Variants in RPH3AL observed in about 807,000 individuals in gnomAD.
The protein encoded by RPH3AL is rab effector Noc2.
Under a neutral mutation model 43.1 loss-of-function variants are expected in RPH3AL, and 38 were observed. The observed-to-expected ratio is 0.88, with a 90% CI of 0.68 to 1.15. The LOEUF is 1.15. RPH3AL is among the 50% of genes most tolerant of loss of function. RPH3AL has a pLI of 0.00. For missense variants in RPH3AL, 462 were observed against 423.2 expected, an observed-to-expected ratio of 1.09 and a Z score of -0.81; for synonymous variants, 189 against 176.3, an observed-to-expected ratio of 1.07 and a Z score of -0.57.
chr17:242,072 A>G (rs2041552460), intron 7 of RPH3AL, among the ~76,000 whole-genome samples: 2 of 152,126 alleles, frequency 1.3e-5, no homozygotes, highest in African/African-American at 4.8e-5. Context: ...AGCAGAGATC[A>G]CACCACCACA....
chr17:305,958 C>G (rs1232505486), intron 5 of RPH3AL, among the ~76,000 whole-genome samples: 2 of 151,552 alleles, frequency 1.3e-5, no homozygotes, highest in African/African-American at 4.8e-5. Context: ...CTTCCAGGCT[C>G]AAGCAATCCT....
intron 3 of RPH3AL, among the ~76,000 whole-genome samples, chr17:324,106 A>T (rs2044552703): frequency 6.6e-6 from 1 of 152,166 alleles, no homozygotes; most frequent in African/African-American, 2.4e-5. Context: ...CCCATTTCTC[A>T]GAGGAAACGA....
Position 247,097 on chromosome 17 carries a change from C to G in RPH3AL, c.613+14G>C, listed in dbSNP as rs1407986276. The G allele has an allele frequency of 6.2e-7, 1 of 1,613,832 alleles. No individual in the cohort carries two copies. Among genetic ancestry groups the G allele is most frequent in the Non-Finnish European group, 8.5e-7 (1 of 1,179,876 alleles). On this transcript the variant is annotated intron_variant, in intron 7 of 9. Coordinates refer to ENST00000331302, the MANE Select transcript of RPH3AL (RefSeq NM_006987.4). ...TTTACAGGCCATCCTGGGAGAGAGG[C>G]AGAGGGGACTTACCTCTTCCTCGGG...
intron 5 of RPH3AL, among the ~76,000 whole-genome samples, chr17:304,351 C>G (rs2043408814): frequency 6.6e-6 from 1 of 151,928 alleles, no homozygotes; most frequent in Admixed American, 6.6e-5. Flanking sequence ...GGAATGAGCC[C>G]AGGCCGGGAG....
At chr17:235,971 G>A (rs2041381826) in intron 7 of RPH3AL, among the ~76,000 whole-genome samples, 3 of 150,960 alleles carry the variant, frequency 2.0e-5, no homozygotes, top group African/African-American at 7.3e-5. Flanking sequence ...GCTGGGGTCG[G>A]CCAAGGCTCT....
Position 247,101 on chromosome 17 carries a change from G to A in RPH3AL, c.613+10C>T, listed in dbSNP as rs1555540301. ...CAGGCCATCCTGGGAGAGAGGCAGA[G>A]GGGACTTACCTCTTCCTCGGGCCCA... On this transcript the variant is annotated intron_variant, in intron 7 of 9. Transcript: ENST00000331302. 1 of 1,614,090 alleles carries A rather than the reference G, an allele frequency of 6.2e-7. No homozygotes were observed. The highest frequency in any genetic ancestry group is 1.7e-5 in the Admixed American group (1 of 60,020).
rs1378405586 is a variant in RPH3AL at position 215,449 on chromosome 17, G to A, written c.876+205C>T. 6.6e-6 allele frequency among the ~76,000 whole-genome samples: 1 copy of A among 152,226 alleles called. No individual in the cohort carries two copies. The highest frequency in any genetic ancestry group is 1.5e-5 in the Non-Finnish European group (1 of 68,040). ...TGATTACCGAGAGTGGCTAGGGATG[G>A]CTACCATTATCATTCTGGGTCCCTC... On this transcript the variant is annotated intron_variant, in intron 9 of 9. Coordinates refer to ENST00000331302, the MANE Select transcript of RPH3AL (RefSeq NM_006987.4). This position sits in a 1 kb window ranked among gnomAD's most constrained non-coding sequence, Gnocchi z 4.1.
At chr17:237,662 G>T (rs2041430497) in intron 7 of RPH3AL, among the ~76,000 whole-genome samples, 1 of 152,314 alleles carries the variant, frequency 6.6e-6, no homozygotes, top group East Asian at 1.9e-4. Flanking sequence ...AAAGTGGAGA[G>T]GCCTCCCCAA....
chr17:335,551 T>C (rs1250996757), intron 1 of RPH3AL, among the ~76,000 whole-genome samples: 2 of 152,112 alleles, frequency 1.3e-5, no homozygotes. Context: ...CCCCCACGTT[T>C]GGACAGGTAT....
At chr17:297,870 C>G (rs1163129994) in intron 5 of RPH3AL, among the ~76,000 whole-genome samples, 2 of 152,220 alleles carry the variant, frequency 1.3e-5, no homozygotes, top group Non-Finnish European at 2.9e-5. Flanking sequence ...CTCCCGGGCC[C>G]TGGACTAGCC....
At chr17:308,467 C>G (rs960084115) in intron 5 of RPH3AL, among the ~76,000 whole-genome samples, 1 of 152,218 alleles carries the variant, frequency 6.6e-6, no homozygotes, top group African/African-American at 2.4e-5. Flanking sequence ...CCAAGAGAAT[C>G]GAAGGCAGGG....
At chr17:316,041 T>C (rs1439437542) in intron 5 of RPH3AL, among the ~76,000 whole-genome samples, 4 of 149,318 alleles carry the variant, frequency 2.7e-5, no homozygotes, top group East Asian at 2.1e-4. Context: ...CATTGACCTG[T>C]AGTCCCTGTG....
chr17:276,483 C>T (rs1196418462), intron 6 of RPH3AL, among the ~76,000 whole-genome samples: 1 of 152,230 alleles, frequency 6.6e-6, no homozygotes, highest in African/African-American at 2.4e-5. Flanking sequence ...CCTCCACCCC[C>T]CGGGCAGAAG....
rs983069762 is a variant in RPH3AL at position 314,210 on chromosome 17, C to A, written c.351+5210G>T. Among the ~76,000 whole-genome samples the A allele has an allele frequency of 9.2e-5, 14 of 152,278 alleles. No individual in the cohort carries two copies. The East Asian group carries it at 2.5e-3, about 27-fold the overall frequency. ...CAGGGGAAGTGGGCCAGGATCTGTG[C>A]CTCTTCATGGTCCCCTATAGCTGGA... On this transcript the variant is annotated intron_variant, in intron 5 of 9. Coordinates refer to ENST00000331302, the MANE Select transcript of RPH3AL (RefSeq NM_006987.4).
rs866338319 is a variant in RPH3AL at position 289,178 on chromosome 17, C to A, written c.352-7324G>T. The stretch of plus-strand genomic sequence containing the variant: ...GTAAGTTGGTGGTAACAGGCCCCCC[C>A]ACACCCCAGGTTGCAGATGAGGGGA... On this transcript the variant is annotated intron_variant, in intron 5 of 9. Transcript: ENST00000331302. This position sits in a 1 kb window ranked among gnomAD's most constrained non-coding sequence, Gnocchi z 5.2. 6.6e-6 allele frequency among the ~76,000 whole-genome samples: 1 copy of A among 152,082 alleles called. No homozygotes were observed. The highest frequency in any genetic ancestry group is 1.5e-5 in the Non-Finnish European group (1 of 68,016).
intron 5 of RPH3AL, among the ~76,000 whole-genome samples, chr17:317,635 G>C (rs1407871757): frequency 1.3e-5 from 2 of 152,142 alleles, no homozygotes; most frequent in African/African-American, 4.8e-5. Context: ...CTCCCCTCCA[G>C]TATTTTTGGG....
chr17:322,790 G>C lies in RPH3AL; in HGVS notation c.78-1375C>G, dbSNP rs573366910. ...TTGCAGCTAACGGTTCTCTGTGGCC[G>C]ACACAATAGGAGTTTGGAAAGCTAA... On this transcript the variant is annotated intron_variant, in intron 3 of 9. Coordinates refer to ENST00000331302, the MANE Select transcript of RPH3AL (RefSeq NM_006987.4). The surrounding 1 kb of genome is among the most constrained non-coding windows in gnomAD (Gnocchi z 4.0). 6.6e-6 allele frequency among the ~76,000 whole-genome samples: 1 copy of C among 152,088 alleles called. No homozygotes were observed. The highest frequency in any genetic ancestry group is 1.5e-5 in the Non-Finnish European group (1 of 68,014).
At chr17:329,349 G>T (rs1200129056) in intron 2 of RPH3AL, among the ~76,000 whole-genome samples, 2 of 152,158 alleles carry the variant, frequency 1.3e-5, no homozygotes, top group Non-Finnish European at 2.9e-5. Context: ...GGTGGCGAGT[G>T]CCTGTAATCC....
chr17:331,974 G>A, intron 2 of RPH3AL: 2 of 946,750 alleles, frequency 2.1e-6, no homozygotes, highest in South Asian at 1.4e-5. Context: ...ATTCAGGAGG[G>A]AGGATGGAAT....
Sources: allele counts gnomAD v4.1 joint callset (sites outside exome capture counted in the v4.1 genomes callset), GRCh38; gene constraint gnomAD v4.1.1; non-coding constraint Gnocchi (gnomAD v3.1); transcripts MANE v1.5; gene names NCBI Gene and HGNC (gene_info 2026-07-23, HGNC 2026-07-21).